Variants in TMPRSS11A observed in about 807,000 individuals in gnomAD.
The protein encoded by TMPRSS11A is transmembrane serine protease 11A.
In TMPRSS11A, 53 loss-of-function variants were observed where a neutral mutation model predicts 58.9. The ratio of observed to expected loss-of-function variants is 0.90; its 90% CI spans 0.72 to 1.13. The LOEUF (loss-of-function observed/expected upper bound fraction) is 1.13, where lower values mean the gene tolerates loss of function less well. Among genes scored for constraint, TMPRSS11A ranks in the 50% most tolerant of loss-of-function variants. The pLI is 0.00. For missense variants in TMPRSS11A, 493 were observed against 499.3 expected (o/e 0.99, Z 0.12); for synonymous variants, 167 against 169.8 (o/e 0.98, Z 0.13).
chr4:67,935,017 T>C (rs1479352997), intron 3 of TMPRSS11A, among the ~76,000 whole-genome samples: 2 of 152,056 alleles, frequency 1.3e-5, no homozygotes, highest in African/African-American at 4.8e-5. Flanking sequence ...AACCATGCTG[T>C]GAAAAAAAAC....
At chr4:67,960,716 C>T (rs1721402002) in intron 1 of TMPRSS11A, among the ~76,000 whole-genome samples, 1 of 152,024 alleles carries the variant, frequency 6.6e-6, no homozygotes, top group South Asian at 2.1e-4. Context: ...AGGAATTGCT[C>T]ATGGCAAATT....
At position 67,931,364 on chromosome 4, in the gene TMPRSS11A, A is replaced by T. The variant is rs12331647; in HGVS notation, c.320+629T>A. Among the ~76,000 whole-genome samples, 427 of 152,316 alleles carry T rather than the reference A, an allele frequency of 2.8e-3. 3 individuals carry two copies. The highest frequency in any genetic ancestry group is 9.6e-3 in the African/African-American group (400 of 41,570). On this transcript the variant is annotated intron_variant, in intron 4 of 9. Transcript: ENST00000508048. ...TATTATTTTTCTTTATCTTTAAGAAATATGAGTCATACAGGCTCATGGATT... is the reference window on the plus strand; with the variant it reads ...TATTATTTTTCTTTATCTTTAAGAATTATGAGTCATACAGGCTCATGGATT...
At chr4:67,929,761 T>C in intron 5 of TMPRSS11A, 119 bp downstream of exon 5, 1 of 1,002,612 alleles carries the variant, frequency 1.0e-6, no homozygotes, top group South Asian at 1.9e-5. Flanking sequence ...TTAACTTGAA[T>C]TTTTTCATCT....
chr4:67,917,708 A>G (rs1720196918), intron 8 of TMPRSS11A, among the ~76,000 whole-genome samples: 1 of 152,190 alleles, frequency 6.6e-6, no homozygotes. Flanking sequence ...ACAGCGCATT[A>G]TGACAGGTAT....
Position 67,910,199 on chromosome 4 carries a change from ACAAAGTGGTC to A in TMPRSS11A, c.*1133_*1142del, listed in dbSNP as rs1419734786. ...TGTTTTCTCTTGTGGACCACATATA[ACAAAGTGGTC>A]CAAAAGAGAAAACATACTATATGTT... On this transcript the variant is annotated 3_prime_UTR_variant, in exon 10 of 10. Coordinates refer to ENST00000508048, the MANE Select transcript of TMPRSS11A (RefSeq NM_001114387.2). 1 of 152,040 alleles carries A rather than the reference ACAAAGTGGTC, an allele frequency of 6.6e-6. No individual in the cohort carries two copies. Among genetic ancestry groups the A allele is most frequent in the Non-Finnish European group, 1.5e-5 (1 of 67,928 alleles). 9.4% of individuals were successfully genotyped at this position (152,040 alleles called of 1,614,324 possible).
intron 9 of TMPRSS11A, 100 bp from the exon 10 acceptor site, chr4:67,911,603 T>C (rs1222995012): frequency 2.3e-6 from 2 of 858,348 alleles, no homozygotes; most frequent in Admixed American, 5.3e-5. Context: ...TACTAGACAG[T>C]ACATGTATAG....
At position 67,944,362 on chromosome 4, in the gene TMPRSS11A, T is replaced by C. The variant is rs1720950100; in HGVS notation, c.252+157A>G. On this transcript the variant is annotated intron_variant, in intron 3 of 9. Transcript: ENST00000508048. ...CTCTCCCCACCTACCCATCTCATCATACTCTGATTAAGCAGGTCTGGGATG... is the reference window on the plus strand; with the variant it reads ...CTCTCCCCACCTACCCATCTCATCACACTCTGATTAAGCAGGTCTGGGATG... 8.0e-6 allele frequency: 6 copies of C among 750,276 alleles called. No individual in the cohort carries two copies. In the South Asian group the frequency reaches 1.0e-4, roughly 13 times the overall value. The allele number at this position is 750,276 out of a possible 1,614,324, so 46.5% of individuals were successfully genotyped here. A position where few individuals can be genotyped will look rare whatever the true frequency, so the allele number is the denominator to read the frequency against.
chr4:67,945,982 C>G (rs1336912087), intron 2 of TMPRSS11A, among the ~76,000 whole-genome samples: 1 of 151,812 alleles, frequency 6.6e-6, no homozygotes, highest in African/African-American at 2.4e-5. Context: ...TTTTGAAATT[C>G]CTTATTTTAT....
At chr4:67,917,955 A>C (rs1339487430) in intron 8 of TMPRSS11A, among the ~76,000 whole-genome samples, 1 of 152,218 alleles carries the variant, frequency 6.6e-6, no homozygotes, top group East Asian at 1.9e-4. Flanking sequence ...TAAAGAAAGC[A>C]ATGCATGTCT....
chr4:67,958,798 G>A (rs768851027), intron 1 of TMPRSS11A, among the ~76,000 whole-genome samples: 3 of 152,194 alleles, frequency 2.0e-5, no homozygotes, highest in Admixed American at 6.5e-5. Flanking sequence ...ATCTTGAACT[G>A]TAGCTCTCAC....
At chr4:67,945,396 C>T (rs965894145) in intron 2 of TMPRSS11A, among the ~76,000 whole-genome samples, 1 of 152,036 alleles carries the variant, frequency 6.6e-6, no homozygotes, top group East Asian at 1.9e-4. Context: ...AGACTACAAA[C>T]CAAGGAAAGA....
chr4:67,948,786 G>C (rs890949169), intron 1 of TMPRSS11A, among the ~76,000 whole-genome samples: 2 of 152,136 alleles, frequency 1.3e-5, no homozygotes, highest in Non-Finnish European at 2.9e-5. Flanking sequence ...ATAAGTGAAG[G>C]AGACCTTAAA....
At chr4:67,939,755 C>G (rs1720836301) in intron 3 of TMPRSS11A, among the ~76,000 whole-genome samples, 1 of 152,184 alleles carries the variant, frequency 6.6e-6, no homozygotes, top group South Asian at 2.1e-4. Context: ...ATGGCACGAT[C>G]TCGGCTCACT....
At chr4:67,947,876 G>A (rs1296890370) in intron 1 of TMPRSS11A, among the ~76,000 whole-genome samples, 1 of 152,148 alleles carries the variant, frequency 6.6e-6, no homozygotes, top group Admixed American at 6.5e-5. Context: ...TGAGAGTCAG[G>A]CAGGAATGAT....
chr4:67,910,764 TAGA>T lies in TMPRSS11A; in HGVS notation c.*575_*577del, dbSNP rs925314871. 31 of 152,148 alleles carry T rather than the reference TAGA, an allele frequency of 2.0e-4. No individual in the cohort carries two copies. The highest frequency in any genetic ancestry group is 7.0e-4 in the African/African-American group (29 of 41,552). The allele number at this position is 152,148 out of a possible 1,614,324, so 9.4% of individuals were successfully genotyped here. A position where few individuals can be genotyped will look rare whatever the true frequency, so the allele number is the denominator to read the frequency against. The stretch of plus-strand genomic sequence containing the variant: ...TAGAGGTTTTATAACTAAAAAAAGT[TAGA>T]AGATCTCTGGCTTGTTTTACTATCA... On this transcript the variant is annotated 3_prime_UTR_variant, in exon 10 of 10. Transcript: ENST00000508048.
chr4:67,950,913 A>T (rs937825586), intron 1 of TMPRSS11A, among the ~76,000 whole-genome samples: 10 of 152,192 alleles, frequency 6.6e-5, no homozygotes, highest in African/African-American at 2.4e-4. Context: ...GTCTTTGGGG[A>T]TGTAAAGGTG....
intron 1 of TMPRSS11A, among the ~76,000 whole-genome samples, chr4:67,949,556 G>A (rs1353483362): frequency 2.6e-5 from 4 of 152,070 alleles, no homozygotes; most frequent in East Asian, 1.9e-4. Context: ...CAAGGAATAC[G>A]TAAAAACAAA....
At chr4:67,931,645 T>C (rs1720623844) in intron 4 of TMPRSS11A, among the ~76,000 whole-genome samples, 1 of 152,196 alleles carries the variant, frequency 6.6e-6, no homozygotes, top group Non-Finnish European at 1.5e-5. Flanking sequence ...CAACATAATA[T>C]AACTTGGTGC....
At chr4:67,927,242 G>T (rs1720498264) in intron 5 of TMPRSS11A, among the ~76,000 whole-genome samples, 2 of 152,176 alleles carry the variant, frequency 1.3e-5, no homozygotes, top group African/African-American at 4.8e-5. Flanking sequence ...TGGGTAAAAA[G>T]AGAGAAAAGC....
Sources: gnomAD v4.1 joint callset for allele counts (sites outside exome capture counted in the v4.1 genomes callset) on GRCh38, gnomAD v4.1.1 for gene constraint, MANE v1.5 for transcripts, NCBI Gene and HGNC (gene_info 2026-07-23, HGNC 2026-07-21) for gene names.